The following CLNK variants were observed in gnomAD, a reference collection of about 807,000 sequenced individuals.
CLNK encodes the protein cytokine-dependent hematopoietic cell linker.
In CLNK, 74 loss-of-function variants were observed where a neutral mutation model predicts 68.6. The observed-to-expected ratio is 1.08, with a 90% CI of 0.89 to 1.31. The LOEUF is 1.31. Ranked by LOEUF, CLNK falls within the 50% of genes most tolerant of loss-of-function variation. The pLI is 0.00. For missense variants in CLNK, 553 were observed against 515.3 expected (o/e 1.07, Z -0.71); for synonymous variants, 198 against 172.2 (o/e 1.15, Z -1.17).
intron 2 of CLNK, among the ~76,000 whole-genome samples, chr4:10,633,485 T>A (rs1342576623): frequency 6.6e-6 from 1 of 152,204 alleles, no homozygotes; most frequent in Admixed American, 6.5e-5. Flanking sequence ...TCCCATTTAA[T>A]TCCCATTCCC....
intron 2 of CLNK, among the ~76,000 whole-genome samples, chr4:10,618,737 A>G (rs988180992): frequency 4.6e-5 from 7 of 152,062 alleles, no homozygotes; most frequent in Non-Finnish European, 8.8e-5. Context: ...AAGCAGGAGC[A>G]GGAAAGAAAG....
chr4:10,640,516 C>T (rs1000006086), intron 2 of CLNK, among the ~76,000 whole-genome samples: 3 of 152,230 alleles, frequency 2.0e-5, no homozygotes, highest in African/African-American at 7.2e-5. Flanking sequence ...GTGTCACACA[C>T]ACACATAACA....
At chr4:10,631,447 G>C (rs895060871) in intron 2 of CLNK, among the ~76,000 whole-genome samples, 2 of 152,240 alleles carry the variant, frequency 1.3e-5, no homozygotes, top group Non-Finnish European at 2.9e-5. Context: ...TGAAATGACA[G>C]GGGAGGAAAG....
intron 2 of CLNK, among the ~76,000 whole-genome samples, chr4:10,634,678 T>A (rs553579488): frequency 6.6e-6 from 1 of 152,182 alleles, no homozygotes; most frequent in Non-Finnish European, 1.5e-5. Flanking sequence ...AACTTCGGTG[T>A]TTTGAAATAC....
At chr4:10,723,882 C>CAGAGAGAGAG in the CLNK span, among the ~76,000 whole-genome samples, 887 of 70,920 alleles carry the variant, frequency 0.013, 41 homozygotes, top group African/African-American at 0.03. Context: ...ACACAGGAGT[C>CAGAGAGAGAG]AGAGAGAGAG....
chr4:10,629,651 T>C (rs1306828202), intron 2 of CLNK, among the ~76,000 whole-genome samples: 2 of 152,054 alleles, frequency 1.3e-5, no homozygotes, highest in East Asian at 1.9e-4. Context: ...GACCACATGG[T>C]GAGGTCAGCC....
chr4:10,619,737 T>C (rs938799249), intron 2 of CLNK, among the ~76,000 whole-genome samples: 2 of 152,156 alleles, frequency 1.3e-5, no homozygotes, highest in African/African-American at 4.8e-5. Flanking sequence ...GCGGTCAGCA[T>C]GGTGTGCTAT....
chr4:10,522,136 T>C (rs951651095), intron 14 of CLNK, among the ~76,000 whole-genome samples: 34 of 151,428 alleles, frequency 2.2e-4, no homozygotes, highest in Non-Finnish European at 1.5e-5. Flanking sequence ...TGGGCACCTG[T>C]AGTCCCAGCC....
chr4:10,665,954 T>C (rs1724380375), intron 2 of CLNK, among the ~76,000 whole-genome samples: 2 of 152,260 alleles, frequency 1.3e-5, no homozygotes, highest in Non-Finnish European at 2.9e-5. Context: ...TTTCTGACTA[T>C]CCAGGTGACC....
rs145154366 is a variant in CLNK at position 10,492,145 on chromosome 4, A to G, written c.1141-1532T>C. ...TGATCTTCCCTAAAGAGCGAAGGGA[A>G]TTTCAGCTCAGAGAAGTGGACCGCC... On this transcript the variant is annotated intron_variant, in intron 18 of 18. Coordinates refer to ENST00000226951, the MANE Select transcript of CLNK (RefSeq NM_052964.4). Among the ~76,000 whole-genome samples, 24 of 152,276 alleles carry G rather than the reference A, an allele frequency of 1.6e-4. 1 individual carries two copies. In the East Asian group the frequency reaches 4.4e-3, roughly 28 times the overall value.
intron 2 of CLNK, among the ~76,000 whole-genome samples, chr4:10,620,066 T>A (rs1223469672): frequency 2.0e-5 from 3 of 152,196 alleles, no homozygotes; most frequent in African/African-American, 7.2e-5. Context: ...TCTCTGCTCT[T>A]CACGGCCAAG....
chr4:10,618,355 C>T (rs541198972), intron 2 of CLNK, among the ~76,000 whole-genome samples: 2 of 152,154 alleles, frequency 1.3e-5, no homozygotes, highest in South Asian at 2.1e-4. Context: ...TAGTAATTGC[C>T]TGGGGAAGTG....
intron 6 of CLNK, 62 bp from the exon 7 acceptor site, chr4:10,564,839 A>G: frequency 9.9e-7 from 1 of 1,012,792 alleles, no homozygotes; most frequent in South Asian, 1.3e-5. Context: ...TACAATTTAC[A>G]AAGTATTTGC....
intron 2 of CLNK, among the ~76,000 whole-genome samples, chr4:10,633,631 C>T (rs1722972318): frequency 6.6e-6 from 1 of 152,174 alleles, no homozygotes; most frequent in Non-Finnish European, 1.5e-5. Flanking sequence ...GCAAGGTCTC[C>T]AAAGAGCAAG....
chr4:10,544,306 T>C (rs1052441134), intron 8 of CLNK, among the ~76,000 whole-genome samples: 3 of 152,244 alleles, frequency 2.0e-5, no homozygotes. Context: ...TTTTATTTCA[T>C]TGATTTATTA....
rs71281268 is a variant in CLNK at position 10,654,384 on chromosome 4, A to AATATATATATATATATATAT, written c.11+13474_11+13475insATATATATATATATATATAT. 1.4e-3 allele frequency among the ~76,000 whole-genome samples: 117 copies of AATATATATATATATATATAT among 84,132 alleles called. 8 individuals are homozygous for AATATATATATATATATATAT. The highest frequency in any genetic ancestry group is 5.8e-3 in the East Asian group (17 of 2,910). The allele number at this position is 84,132 out of a possible 152,430, so 55.2% of individuals were successfully genotyped here. On this transcript the variant is annotated intron_variant, in intron 2 of 18. Transcript: ENST00000226951. The stretch of plus-strand genomic sequence containing the variant: ...TATATAGATAAATATATATTGATTA[A>AATATATATATATATATATAT]ATATATATATATATATATAGAAAGT...
chr4:10,700,984 G>A, the CLNK span, among the ~76,000 whole-genome samples: 211 of 152,232 alleles, frequency 1.4e-3, 1 homozygote, highest in African/African-American at 4.8e-3. Context: ...CGACTAAATT[G>A]CTGGAAAATC....
At chr4:10,697,346 GC>G in the CLNK span, 2 of 152,096 alleles carry the variant, frequency 1.3e-5, no homozygotes, top group Admixed American at 1.3e-4. Context: ...ACTTGAGCAG[GC>G]CGGGGCTTCG....
chr4:10,624,466 G>T (rs1345829231), intron 2 of CLNK, among the ~76,000 whole-genome samples: 1 of 151,866 alleles, frequency 6.6e-6, no homozygotes, highest in African/African-American at 2.4e-5. Context: ...CTAATTTTTT[G>T]TATTTTTAAT....
Sources: gnomAD v4.1 joint callset for allele counts (sites outside exome capture counted in the v4.1 genomes callset) on GRCh38, gnomAD v4.1.1 for gene constraint, MANE v1.5 for transcripts, NCBI Gene and HGNC (gene_info 2026-07-23, HGNC 2026-07-21) for gene names.